FGFR2: variants seen among roughly 807,000 people sequenced by gnomAD.
FGFR2 encodes BEK fibroblast growth factor receptor.
FGFR2 carries 19 observed loss-of-function variants against 95.9 expected under a neutral mutation model. The observed-to-expected ratio is 0.20, with a 90% CI of 0.14 to 0.29. The LOEUF (loss-of-function observed/expected upper bound fraction) is 0.29, where lower values mean the gene tolerates loss of function less well. FGFR2 is among the 10% of genes least tolerant of loss of function. The pLI, the probability that FGFR2 is intolerant of heterozygous loss-of-function variation, is 1.00. For synonymous variants in FGFR2, 392 were observed against 393.3 expected (o/e 1.00, Z 0.04); for missense variants, 707 against 1,056.9 (o/e 0.67, Z 4.59).
At chr10:121,546,714 G>C (rs1322752960) in intron 5 of FGFR2, among the ~76,000 whole-genome samples, 1 of 152,144 alleles carries the variant, frequency 6.6e-6, no homozygotes, top group East Asian at 1.9e-4. Context: ...CTGTAATGCA[G>C]GGGATGGCTG....
At chr10:121,508,131 C>A (rs910158638) in intron 9 of FGFR2, among the ~76,000 whole-genome samples, 4 of 152,152 alleles carry the variant, frequency 2.6e-5, no homozygotes, top group African/African-American at 9.7e-5. Context: ...TTGGTATATT[C>A]GGGGTTGTTA....
At chr10:121,578,010 C>G (rs1008174412) in intron 2 of FGFR2, among the ~76,000 whole-genome samples, 3 of 152,092 alleles carry the variant, frequency 2.0e-5, no homozygotes, top group South Asian at 2.1e-4. Context: ...TTAGGCCTAT[C>G]CCTGATAGAA....
intron 2 of FGFR2, among the ~76,000 whole-genome samples, chr10:121,569,838 T>C (rs891545962): frequency 6.6e-6 from 1 of 152,188 alleles, no homozygotes; most frequent in African/African-American, 2.4e-5. Flanking sequence ...AAAGGGCCCA[T>C]TTTGGGGATC....
intron 13 of FGFR2, among the ~76,000 whole-genome samples, chr10:121,489,748 T>C (rs559677851): frequency 1.1e-4 from 17 of 152,314 alleles, no homozygotes; most frequent in African/African-American, 4.1e-4. Flanking sequence ...GTCCTGTTGA[T>C]TTCAACTCCA....
At chr10:121,515,752 A>G (rs1012670570) in intron 8 of FGFR2, among the ~76,000 whole-genome samples, 3 of 151,588 alleles carry the variant, frequency 2.0e-5, no homozygotes, top group Non-Finnish European at 4.4e-5. Context: ...TCAGTCTTAC[A>G]TGGGTAGGCT....
In FGFR2 at chr10:121,564,558, T is replaced by A. The variant is rs750876096; in HGVS notation, c.398A>T (p.Asp133Val). The change falls in exon 4 of 18, where the codon GAT (aspartate) becomes GTT (valine). Residue 133 changes from aspartate to valine, a missense_variant. Physicochemically the swap from Asp to Val is radical, Grantham distance 152. Transcript: ENST00000358487. Reference protein sequence around the residue: ...NVTDAISSGDDEDDTDGAEDF... With the variant: ...NVTDAISSGDVEDDTDGAEDF... ...TTCCGCACCATCGGTGTCATCCTCA[T>A]CATCTCCGGATGAGATGGCATCTGT... is the stretch of plus-strand genomic sequence containing the variant. The A allele has an allele frequency of 6.2e-7, 1 of 1,613,944 alleles. No homozygotes were observed. Among genetic ancestry groups the A allele is most frequent in the Non-Finnish European group, 8.5e-7 (1 of 1,179,946 alleles).
At chr10:121,510,280 C>A (rs754191017) in intron 9 of FGFR2, among the ~76,000 whole-genome samples, 113 of 152,282 alleles carry the variant, frequency 7.4e-4, no homozygotes, top group Non-Finnish European at 1.3e-3. Context: ...GCCCCAGATG[C>A]GCTGGCTCTG....
chr10:121,576,860 C>A (rs1483442856), intron 2 of FGFR2, among the ~76,000 whole-genome samples: 3 of 151,810 alleles, frequency 2.0e-5, no homozygotes, highest in Admixed American at 1.3e-4. Flanking sequence ...CAAGGCCGGG[C>A]ATGGTGGCTC....
chr10:121,592,747 CACCACTCGG>C (rs1390144932), intron 2 of FGFR2, among the ~76,000 whole-genome samples: 2 of 152,178 alleles, frequency 1.3e-5, no homozygotes, highest in Non-Finnish European at 2.9e-5. Flanking sequence ...TTACCCCAGA[CACCACTCGG>C]ACTGCTGCGG....
rs769440184 is a variant in FGFR2 at position 121,517,395 on chromosome 10, G to A, written c.1008C>T (p.Asp336=). Residue 336 remains aspartate (D), a synonymous_variant, in exon 8 of 18, where the codon GAC becomes GAT. Coordinates refer to ENST00000358487, the MANE Select transcript of FGFR2 (RefSeq NM_000141.5). The surrounding 1 kb of genome is among the most constrained non-coding windows in gnomAD (Gnocchi z 4.7). ...CCGCCAAGCACGTATATTCCCCAGC[G>A]TCCTCAAAAGTTACATTCCGAATAT... ...VLYIRNVTFE[D]AGEYTCLAGN... The A allele has an allele frequency of 1.3e-5, 21 of 1,613,956 alleles. No homozygotes were observed. Among genetic ancestry groups the A allele is most frequent in the Admixed American group, 5.0e-5 (3 of 59,996 alleles).
intron 8 of FGFR2, among the ~76,000 whole-genome samples, chr10:121,515,626 C>T (rs1040013150): frequency 6.6e-6 from 1 of 152,042 alleles, no homozygotes; most frequent in Non-Finnish European, 1.5e-5. Context: ...GGACGACCAA[C>T]TGTACCCACA....
At chr10:121,508,545 C>A (rs537709900) in intron 9 of FGFR2, among the ~76,000 whole-genome samples, 1 of 152,324 alleles carries the variant, frequency 6.6e-6, no homozygotes, top group South Asian at 2.1e-4. Flanking sequence ...CCCAAACAGA[C>A]TGTCTCGAGA....
intron 6 of FGFR2, among the ~76,000 whole-genome samples, chr10:121,535,694 T>C (rs1259555721): frequency 1.3e-5 from 2 of 152,180 alleles, no homozygotes; most frequent in African/African-American, 4.8e-5. Context: ...TCACACTAAT[T>C]TTCCCTTGCA....
chr10:121,508,600 A>G (rs1382446652), intron 9 of FGFR2, among the ~76,000 whole-genome samples: 1 of 152,218 alleles, frequency 6.6e-6, no homozygotes, highest in Non-Finnish European at 1.5e-5. Flanking sequence ...CTAAAAATAA[A>G]TAAATAAGAA....
chr10:121,593,935 G>A lies in FGFR2; in HGVS notation c.-118C>T, dbSNP rs1000659008. 2.2e-5 allele frequency: 20 copies of A among 927,570 alleles called. No homozygotes were observed. In the East Asian group the frequency reaches 5.1e-4, roughly 23 times the overall value. 57.5% of individuals were successfully genotyped at this position (927,570 alleles called of 1,614,324 possible). Reference sequence around the variant, plus strand: ...ATGCCTTCAGCCTGCGGTGGGCTCAGGAACCGAGGCGCTGCCGCTGCTGCT... The same window carrying A: ...ATGCCTTCAGCCTGCGGTGGGCTCAAGAACCGAGGCGCTGCCGCTGCTGCT... On this transcript the variant is annotated 5_prime_UTR_variant, in exon 2 of 18. Coordinates refer to ENST00000358487, the MANE Select transcript of FGFR2 (RefSeq NM_000141.5).
chr10:121,570,324 T>C (rs1273399485), intron 2 of FGFR2, among the ~76,000 whole-genome samples: 2 of 152,158 alleles, frequency 1.3e-5, no homozygotes, highest in Non-Finnish European at 2.9e-5. Flanking sequence ...ATCCCCACAG[T>C]TGTACTGACC....
chr10:121,565,780 T>A, intron 2 of FGFR2, 76 bp from the exon 3 acceptor site: 1 of 1,564,944 alleles, frequency 6.4e-7, no homozygotes, highest in Non-Finnish European at 8.8e-7. Flanking sequence ...CAAAGGTCAG[T>A]GGAGGCCTGC....
At chr10:121,550,455 G>A (rs1461044001) in intron 5 of FGFR2, among the ~76,000 whole-genome samples, 4 of 152,168 alleles carry the variant, frequency 2.6e-5, no homozygotes, top group Non-Finnish European at 5.9e-5. Context: ...GGAGACAGCT[G>A]CCAATTTCAA....
chr10:121,533,714 C>T (rs1852401832), intron 6 of FGFR2, among the ~76,000 whole-genome samples: 1 of 152,164 alleles, frequency 6.6e-6, no homozygotes, highest in Non-Finnish European at 1.5e-5. Flanking sequence ...CTGTGGCAGT[C>T]ACTACTGAAA....
Sources: allele counts gnomAD v4.1 joint callset (sites outside exome capture counted in the v4.1 genomes callset), GRCh38; gene constraint gnomAD v4.1.1; non-coding constraint Gnocchi (gnomAD v3.1); transcripts MANE v1.5; gene names NCBI Gene and HGNC (gene_info 2026-07-23, HGNC 2026-07-21).